The following ALLC variants were observed in gnomAD, a reference collection of about 807,000 sequenced individuals.
The protein encoded by ALLC is allantoicase, also known as probable inactive allantoicase.
In ALLC, 40 loss-of-function variants were observed where a neutral mutation model predicts 45.0. The ratio of observed to expected loss-of-function variants is 0.89; its 90% confidence interval spans 0.69 to 1.16. The LOEUF (loss-of-function observed/expected upper bound fraction) is 1.16. ALLC is among the 50% of genes most tolerant of loss of function. The pLI, the probability that ALLC is intolerant of heterozygous loss-of-function variation, is 0.00. For synonymous variants in ALLC, 176 were observed against 178.1 expected (o/e 0.99, Z 0.09); for missense variants, 488 against 493.1 (o/e 0.99, Z 0.10).
At chr2:3,697,055 A>T (rs55731460) in intron 9 of ALLC, among the ~76,000 whole-genome samples, 71,208 of 152,058 alleles carry the variant, frequency 0.47, 17,405 homozygotes, top group African/African-American at 0.61. Context: ...ATGGACTGGA[A>T]TAGACGAAGA....
intron 2 of ALLC, among the ~76,000 whole-genome samples, chr2:3,673,182 C>T (rs1459094853): frequency 6.6e-6 from 1 of 152,214 alleles, no homozygotes; most frequent in Non-Finnish European, 1.5e-5. Context: ...GCAAGGGAGC[C>T]CACATGCTCC....
rs1300746267 is a variant in ALLC at position 3,680,044 on chromosome 2, T to C, written c.298+50T>C. 1.9e-6 allele frequency: 3 copies of C among 1,608,028 alleles called. No homozygotes were observed. The highest frequency in any genetic ancestry group is 2.6e-6 in the Non-Finnish European group (3 of 1,175,462). The stretch of plus-strand genomic sequence containing the variant: ...AAATGAGAATTATGGGTCACATGGC[T>C]CCTCTGGCCAGCCACAGCCCCACAA... On this transcript the variant is annotated intron_variant, in intron 5 of 11. Coordinates refer to ENST00000252505, the MANE Select transcript of ALLC (RefSeq NM_018436.4). The surrounding 1 kb of genome is among the most constrained non-coding windows in gnomAD (Gnocchi z 4.0).
intron 2 of ALLC, among the ~76,000 whole-genome samples, chr2:3,671,934 T>G (rs1418205039): frequency 1.9e-4 from 16 of 83,298 alleles, no homozygotes; most frequent in African/African-American, 2.9e-4. Flanking sequence ...TCTGGCTCTA[T>G]TTAGATCCGA....
At chr2:3,650,904 A>G in the ALLC span, among the ~76,000 whole-genome samples, 5 of 152,356 alleles carry the variant, frequency 3.3e-5, no homozygotes, top group East Asian at 3.9e-4. Context: ...GTGAGGGGCT[A>G]TAAACACTGG....
At chr2:3,669,834 A>T (rs1666819928) in intron 1 of ALLC, among the ~76,000 whole-genome samples, 1 of 152,152 alleles carries the variant, frequency 6.6e-6, no homozygotes, top group African/African-American at 2.4e-5. Context: ...GCTGAGGAAG[A>T]GCCAGAGCTG....
chr2:3,677,878 C>T (rs190360193), intron 3 of ALLC, among the ~76,000 whole-genome samples: 11 of 152,356 alleles, frequency 7.2e-5, no homozygotes, highest in Admixed American at 5.9e-4. Context: ...ATTTGAGGGT[C>T]TTTCATGTCG....
intron 1 of ALLC, among the ~76,000 whole-genome samples, chr2:3,661,695 G>T (rs1666581103): frequency 6.6e-6 from 1 of 152,198 alleles, no homozygotes; most frequent in African/African-American, 2.4e-5. Flanking sequence ...TTTCACTTTG[G>T]TGGTGACTGA....
At chr2:3,650,040 C>G in the ALLC span, among the ~76,000 whole-genome samples, 1 of 152,236 alleles carries the variant, frequency 6.6e-6, no homozygotes, top group Non-Finnish European at 1.5e-5. Flanking sequence ...GCATTAGTGC[C>G]CTGGAAGGCA....
intron 7 of ALLC, among the ~76,000 whole-genome samples, chr2:3,691,079 T>C (rs1667504219): frequency 6.6e-6 from 1 of 152,184 alleles, no homozygotes; most frequent in African/African-American, 2.4e-5. Context: ...ATAGCTTTTC[T>C]AGATACAATA....
intron 4 of ALLC, among the ~76,000 whole-genome samples, chr2:3,679,213 G>C (rs1351707959): frequency 6.6e-6 from 1 of 152,216 alleles, no homozygotes; most frequent in Non-Finnish European, 1.5e-5. Context: ...AGTACTTGAA[G>C]CAGTATTAGT....
At chr2:3,683,186 G>A (rs766127038) in intron 7 of ALLC, 112 bp downstream of exon 7, 2 of 1,204,686 alleles carry the variant, frequency 1.7e-6, no homozygotes, top group Non-Finnish European at 1.1e-6. Context: ...GATCTCTCTA[G>A]CATTTCAGGA....
intron 7 of ALLC, chr2:3,695,271 T>C (rs765324860): frequency 4.2e-5 from 8 of 189,240 alleles, no homozygotes; most frequent in Non-Finnish European, 8.8e-5. Flanking sequence ...CACAGGTAAG[T>C]GGTCTGGCCT....
chr2:3,667,707 T>C lies in ALLC; in HGVS notation c.-62-3389T>C, dbSNP rs115381634. On this transcript the variant is annotated intron_variant, in intron 1 of 11. Coordinates refer to ENST00000252505, the MANE Select transcript of ALLC (RefSeq NM_018436.4). The stretch of plus-strand genomic sequence containing the variant: ...GGTTCACTAAGGACACACTGGTGAA[T>C]GGAACAAAACTTACTGCCAGTGTGG... Among the ~76,000 whole-genome samples, 1,349 of 152,312 alleles carry C rather than the reference T, an allele frequency of 8.9e-3. 18 individuals are homozygous for C. Among genetic ancestry groups the C allele is most frequent in the African/African-American group, 0.031 (1,301 of 41,562 alleles).
chr2:3,681,264 G>A (rs953596902), intron 5 of ALLC, among the ~76,000 whole-genome samples: 8 of 152,096 alleles, frequency 5.3e-5, no homozygotes, highest in Admixed American at 2.0e-4. Flanking sequence ...TTTCTGAATT[G>A]CCCCAGTATC....
Position 3,702,488 on chromosome 2 carries a change from C to T in ALLC, c.1101C>T (p.Pro367=). The change falls in exon 12 of 12, where the codon CCC becomes CCT. Residue 367 remains proline (P), a synonymous_variant. Transcript: ENST00000252505. ...GVSRLRLRGF[P]SSICLLRPRE... is the part of the protein sequence containing the mutation. ...GCCGCCTTCGGCTCCGGGGCTTCCCCAGCTCCATCTGCCTCCTGAGGCCCC... is the reference window on the plus strand; with the variant it reads ...GCCGCCTTCGGCTCCGGGGCTTCCCTAGCTCCATCTGCCTCCTGAGGCCCC... 1 of 1,612,126 alleles carries T rather than the reference C, an allele frequency of 6.2e-7. No individual in the cohort carries two copies.
chr2:3,672,306 G>A (rs111831394), intron 2 of ALLC, among the ~76,000 whole-genome samples: 11,879 of 104,970 alleles, frequency 0.11, 1,895 homozygotes, highest in African/African-American at 0.22. Flanking sequence ...TGGTTAGATC[G>A]GAAGTCCTCT....
rs146319602 is a variant in ALLC, at chr2:3,679,318, G to T, written c.173-551G>T. On this transcript the variant is annotated intron_variant, in intron 4 of 11. Transcript: ENST00000252505. ...CAGACTTGACTTCAAGACTCTGAAG[G>T]CTTTGGTAGATGCAGGCAGGTGTCT... Among the ~76,000 whole-genome samples, 849 of 152,308 alleles carry T rather than the reference G, an allele frequency of 5.6e-3. 5 individuals carry two copies. The highest frequency in any genetic ancestry group is 0.02 in the African/African-American group (816 of 41,568).
intron 2 of ALLC, among the ~76,000 whole-genome samples, chr2:3,673,823 A>G (rs1666952587): frequency 6.6e-6 from 1 of 152,192 alleles, no homozygotes. Context: ...TGAGTGTAAG[A>G]TGTTAGTGCT....
chr2:3,688,279 G>T, intron 7 of ALLC: 1 of 166,366 alleles, frequency 6.0e-6, no homozygotes, highest in South Asian at 1.3e-4. Flanking sequence ...ACACAGAGGT[G>T]GGGATATGGA....
Sources: gnomAD v4.1 joint callset for allele counts (sites outside exome capture counted in the v4.1 genomes callset) on GRCh38, gnomAD v4.1.1 for gene constraint, Gnocchi (gnomAD v3.1) non-coding constraint, MANE v1.5 for transcripts, NCBI Gene and HGNC (gene_info 2026-07-23, HGNC 2026-07-21) for gene names.